Variants in GALNT13 observed in about 807,000 individuals in gnomAD.
GALNT13 encodes the protein UDP-GalNAc:polypeptide N-acetylgalactosaminyltransferase 13.
A neutral mutation model predicts 64.2 loss-of-function variants in GALNT13; 28 were observed. That is an observed-to-expected ratio of 0.44 (90% CI 0.32 to 0.60). The LOEUF (loss-of-function observed/expected upper bound fraction) is 0.60, where lower values mean the gene tolerates loss of function less well. GALNT13 is among the 20% of genes least tolerant of loss of function. The pLI, the probability that GALNT13 is intolerant of heterozygous loss-of-function variation, is 0.05. For missense variants in GALNT13, 577 were observed against 669.8 expected, an observed-to-expected ratio of 0.86 and a Z score of 1.53; for synonymous variants, 214 against 224.6, an observed-to-expected ratio of 0.95 and a Z score of 0.42.
chr2:154,111,743 A>C (rs1269972702), intron 3 of GALNT13, among the ~76,000 whole-genome samples: 2 of 152,182 alleles, frequency 1.3e-5, no homozygotes, highest in African/African-American at 2.4e-5. Context: ...ACGCTGATTC[A>C]GAGTATACAC....
chr2:153,545,081 A>G, the GALNT13 span, among the ~76,000 whole-genome samples: 1 of 152,016 alleles, frequency 6.6e-6, no homozygotes, highest in African/African-American at 2.4e-5. Context: ...TAGGATTATG[A>G]TTTGGCTTTG....
intron 4 of GALNT13, among the ~76,000 whole-genome samples, chr2:154,162,265 A>G (rs1310271079): frequency 6.6e-6 from 1 of 152,250 alleles, no homozygotes; most frequent in African/African-American, 2.4e-5. Flanking sequence ...ATATCTGTTT[A>G]ACTGTTAAAG....
chr2:153,600,615 A>C, the GALNT13 span, among the ~76,000 whole-genome samples: 1 of 151,968 alleles, frequency 6.6e-6, no homozygotes, highest in South Asian at 2.1e-4. Flanking sequence ...ATCAAGCTTT[A>C]CATCCTCCCA....
At chr2:153,238,126 A>G in the GALNT13 span, among the ~76,000 whole-genome samples, 1 of 152,016 alleles carries the variant, frequency 6.6e-6, no homozygotes, top group Admixed American at 6.6e-5. Context: ...TGCCATTTGC[A>G]TGTCTTCTTT....
chr2:154,360,053 T>C (rs1247148478), intron 9 of GALNT13, among the ~76,000 whole-genome samples: 3 of 152,302 alleles, frequency 2.0e-5, no homozygotes, highest in Non-Finnish European at 2.9e-5. Flanking sequence ...GCAAATGTCC[T>C]GGAAAAATGT....
chr2:153,564,905 CAA>C, the GALNT13 span, among the ~76,000 whole-genome samples: 2 of 152,066 alleles, frequency 1.3e-5, no homozygotes, highest in South Asian at 4.2e-4. Flanking sequence ...CCTGAAGAAA[CAA>C]AGAGCCAAAT....
chr2:153,842,935 AG>A, the GALNT13 span, among the ~76,000 whole-genome samples: 1 of 152,186 alleles, frequency 6.6e-6, no homozygotes, highest in Non-Finnish European at 1.5e-5. Flanking sequence ...CTGGAGAAAA[AG>A]ATAATAGTTT....
chr2:154,166,584 C>T (rs963021855), intron 4 of GALNT13, among the ~76,000 whole-genome samples: 3 of 152,166 alleles, frequency 2.0e-5, no homozygotes, highest in Non-Finnish European at 4.4e-5. Context: ...CCTCAAGGAT[C>T]TAGAACTAGA....
chr2:153,962,169 C>A (rs891278120), intron 3 of GALNT13, among the ~76,000 whole-genome samples: 1 of 152,156 alleles, frequency 6.6e-6, no homozygotes, highest in African/African-American at 2.4e-5. Flanking sequence ...AAATTGGGCA[C>A]ATTTATAGCC....
the GALNT13 span, among the ~76,000 whole-genome samples, chr2:153,860,973 T>C: frequency 6.6e-6 from 1 of 152,176 alleles, no homozygotes. Context: ...TTTAGGGATT[T>C]GAGGAGGCAG....
At chr2:154,405,029 A>T (rs1028713096) in intron 10 of GALNT13, among the ~76,000 whole-genome samples, 3 of 152,194 alleles carry the variant, frequency 2.0e-5, no homozygotes, top group Non-Finnish European at 2.9e-5. Context: ...TAAGAAAAAG[A>T]TAGTAAGAAG....
intron 7 of GALNT13, among the ~76,000 whole-genome samples, chr2:154,254,300 C>T (rs879342300): frequency 7.2e-5 from 11 of 152,018 alleles, no homozygotes; most frequent in Non-Finnish European, 1.5e-4. Flanking sequence ...TATTTTGATC[C>T]CTCGTAATCA....
chr2:154,271,306 A>G (rs74446034), intron 8 of GALNT13, among the ~76,000 whole-genome samples: 2,937 of 152,134 alleles, frequency 0.019, 70 homozygotes, highest in African/African-American at 0.059. Context: ...ACTGGCTGCA[A>G]TGAAATATCT....
At chr2:154,362,827 C>T (rs1013063997) in intron 9 of GALNT13, among the ~76,000 whole-genome samples, 4 of 152,168 alleles carry the variant, frequency 2.6e-5, no homozygotes, top group African/African-American at 9.7e-5. Flanking sequence ...CATTCATTTT[C>T]ATGAGTGTGA....
the GALNT13 span, among the ~76,000 whole-genome samples, chr2:153,596,723 A>T: frequency 6.6e-6 from 1 of 152,078 alleles, no homozygotes; most frequent in African/African-American, 2.4e-5. Context: ...AAAAGGAAAA[A>T]AACTGAGAAT....
intron 8 of GALNT13, among the ~76,000 whole-genome samples, chr2:154,277,188 G>A (rs898951824): frequency 2.6e-5 from 4 of 152,034 alleles, no homozygotes; most frequent in African/African-American, 9.7e-5. Context: ...TTAAATGGCA[G>A]GATTAATAAA....
intron 1 of GALNT13, among the ~76,000 whole-genome samples, chr2:153,888,769 A>G (rs1339261181): frequency 2.0e-5 from 3 of 152,004 alleles, no homozygotes; most frequent in African/African-American, 7.2e-5. Flanking sequence ...GTACTCACAG[A>G]CAGACAATTG....
chr2:153,776,730 C>T, the GALNT13 span, among the ~76,000 whole-genome samples: 1 of 152,188 alleles, frequency 6.6e-6, no homozygotes, highest in Non-Finnish European at 1.5e-5. Flanking sequence ...TTTGTAGCTT[C>T]TCTTCTCTGT....
the GALNT13 span, among the ~76,000 whole-genome samples, chr2:153,576,013 C>A: frequency 2.0e-5 from 3 of 152,098 alleles, no homozygotes; most frequent in African/African-American, 7.2e-5. Flanking sequence ...GTGTAGGTGC[C>A]CTTCTGGCAC....
Sources: gnomAD v4.1 joint callset for allele counts (sites outside exome capture counted in the v4.1 genomes callset) on GRCh38, gnomAD v4.1.1 for gene constraint, MANE v1.5 for transcripts, NCBI Gene and HGNC (gene_info 2026-07-23, HGNC 2026-07-21) for gene names.